PRKN: variants seen among roughly 807,000 people sequenced by gnomAD.
PRKN encodes the protein parkin RBR E3 ubiquitin protein ligase.
In PRKN, 56 loss-of-function variants were observed where a neutral mutation model predicts 59.5. The observed-to-expected ratio is 0.94, with a 90% confidence interval of 0.76 to 1.18. The LOEUF (loss-of-function observed/expected upper bound fraction) is 1.18. PRKN is among the 50% of genes most tolerant of loss of function. PRKN has a pLI of 0.00. For synonymous variants in PRKN, 250 were observed against 222.1 expected (o/e 1.13, Z -1.12); for missense variants, 657 against 596.4 (o/e 1.10, Z -1.06).
At chr6:162,096,758 A>G (rs79276671) in intron 4 of PRKN, among the ~76,000 whole-genome samples, 16,950 of 141,290 alleles carry the variant, frequency 0.12, 1,201 homozygotes, top group African/African-American at 0.21. Context: ...ATGCAGAACT[A>G]TGAGTCCATT....
chr6:161,882,033 T>C (rs970435770), intron 6 of PRKN, among the ~76,000 whole-genome samples: 1 of 152,138 alleles, frequency 6.6e-6, no homozygotes, highest in Non-Finnish European at 1.5e-5. Flanking sequence ...CCCGGATAGC[T>C]AGCAGATTAT....
intron 2 of PRKN, among the ~76,000 whole-genome samples, chr6:162,401,268 CAAAT>C (rs1787780041): frequency 6.6e-6 from 1 of 150,854 alleles, no homozygotes; most frequent in Non-Finnish European, 1.5e-5. Flanking sequence ...GCAGAAACAT[CAAAT>C]AAACTAAAAA....
At chr6:161,878,603 T>C (rs1794820440) in intron 6 of PRKN, among the ~76,000 whole-genome samples, 1 of 152,180 alleles carries the variant, frequency 6.6e-6, no homozygotes, top group African/African-American at 2.4e-5. Flanking sequence ...GCAAGGCCAT[T>C]GTTGAAAAAT....
intron 1 of PRKN, among the ~76,000 whole-genome samples, chr6:162,684,255 T>C (rs1779883238): frequency 6.6e-6 from 1 of 152,208 alleles, no homozygotes; most frequent in Non-Finnish European, 1.5e-5. Flanking sequence ...CTGATTTTTT[T>C]TTTCCAGTGT....
chr6:162,236,001 G>GAA (rs745706572), intron 3 of PRKN, among the ~76,000 whole-genome samples: 6,451 of 121,164 alleles, frequency 0.053, 244 homozygotes, highest in African/African-American at 0.067. Flanking sequence ...AAGAAAGAAA[G>GAA]AAAGAAAGAA....
At chr6:161,901,611 G>A (rs973813715) in intron 6 of PRKN, among the ~76,000 whole-genome samples, 6 of 152,108 alleles carry the variant, frequency 3.9e-5, no homozygotes, top group Non-Finnish European at 7.4e-5. Flanking sequence ...CAGAAACAAC[G>A]GCATTCAGAC....
intron 2 of PRKN, among the ~76,000 whole-genome samples, chr6:162,356,768 AAAG>A (rs1271758205): frequency 1.3e-5 from 2 of 149,394 alleles, no homozygotes; most frequent in African/African-American, 4.9e-5. Context: ...AAAAAAAAAA[AAAG>A]ATAAGATAGA....
chr6:161,678,686 T>C (rs1290965646), intron 7 of PRKN, among the ~76,000 whole-genome samples: 1 of 147,680 alleles, frequency 6.8e-6, no homozygotes, highest in Non-Finnish European at 1.5e-5. Context: ...TGCCTCAACC[T>C]CCCGAGTAGC....
In PRKN at chr6:161,548,063, T is replaced by C. The variant is rs1349301398; in HGVS notation, c.1083+791A>G. ...TTCTTGCACAAAACTCCTCATGAAG[T>C]TGCAATTTTAAAAGAAATGTTTCTC... On this transcript the variant is annotated intron_variant, in intron 9 of 11. Transcript: ENST00000366898. The surrounding 1 kb of genome is among the most constrained non-coding windows in gnomAD (Gnocchi z 4.2). 1.3e-5 allele frequency among the ~76,000 whole-genome samples: 2 copies of C among 152,248 alleles called. No individual in the cohort carries two copies. The highest frequency in any genetic ancestry group is 2.9e-5 in the Non-Finnish European group (2 of 68,046).
rs1227317297 is a variant in PRKN, at chr6:161,680,758, TATATATATATATA to T, written c.871+105001_871+105013del. Among the ~76,000 whole-genome samples, 64 of 18,514 alleles carry T rather than the reference TATATATATATATA, an allele frequency of 3.5e-3. 3 individuals carry two copies. The highest frequency in any genetic ancestry group is 7.9e-3 in the African/African-American group (51 of 6,452). The allele number at this position is 18,514 out of a possible 152,430, so 12.1% of individuals were successfully genotyped here. A position where few individuals can be genotyped will look rare whatever the true frequency, so the allele number is the denominator to read the frequency against. The stretch of plus-strand genomic sequence containing the variant: ...ATATATATATATATATATATATATA[TATATATATATATA>T]TATATTTTTTTTTTTTTTTCTTTTC... On this transcript the variant is annotated intron_variant, in intron 7 of 11. Coordinates refer to ENST00000366898, the MANE Select transcript of PRKN (RefSeq NM_004562.3).
At chr6:161,884,092 A>T (rs1020398633) in intron 6 of PRKN, among the ~76,000 whole-genome samples, 1 of 152,200 alleles carries the variant, frequency 6.6e-6, no homozygotes, top group East Asian at 1.9e-4. Flanking sequence ...GAAACTAACT[A>T]ACTTACTTGG....
chr6:162,403,264 C>T (rs966519051), intron 2 of PRKN, among the ~76,000 whole-genome samples: 34 of 152,040 alleles, frequency 2.2e-4, no homozygotes, highest in African/African-American at 7.5e-4. Flanking sequence ...CTCCTGCCAG[C>T]GAATGCTTGC....
chr6:161,428,917 C>G lies in PRKN; in HGVS notation c.1084-42040G>C, dbSNP rs1311426569. Reference sequence around the variant, plus strand: ...CTATGGCTAGGGGTCCCTGGTTTCTCCCACCTTCTTCCTGATGGCCAGGCA... The same window carrying G: ...CTATGGCTAGGGGTCCCTGGTTTCTGCCACCTTCTTCCTGATGGCCAGGCA... On this transcript the variant is annotated intron_variant, in intron 9 of 11. Transcript: ENST00000366898. This position sits in a 1 kb window ranked among gnomAD's most constrained non-coding sequence, Gnocchi z 4.0. Among the ~76,000 whole-genome samples, 1 of 152,176 alleles carries G rather than the reference C, an allele frequency of 6.6e-6. No individual in the cohort carries two copies. The highest frequency in any genetic ancestry group is 6.5e-5 in the Admixed American group (1 of 15,282).
intron 6 of PRKN, among the ~76,000 whole-genome samples, chr6:161,909,963 A>G (rs1187207608): frequency 1.3e-5 from 2 of 152,154 alleles, no homozygotes; most frequent in Non-Finnish European, 2.9e-5. Flanking sequence ...AAGGAAAACA[A>G]CATTCATGAT....
intron 6 of PRKN, among the ~76,000 whole-genome samples, chr6:161,857,589 T>C (rs112783301): frequency 1.3e-5 from 2 of 152,236 alleles, no homozygotes; most frequent in Admixed American, 1.3e-4. Context: ...GGTGTGCCCA[T>C]ATGTCTGTAT....
chr6:162,415,848 G>A, intron 2 of PRKN, among the ~76,000 whole-genome samples: 1 of 152,014 alleles, frequency 6.6e-6, no homozygotes, highest in East Asian at 1.9e-4. Flanking sequence ...TTTAAATAAA[G>A]AAATGTATTT....
intron 9 of PRKN, among the ~76,000 whole-genome samples, chr6:161,426,643 T>TTA (rs1788371451): frequency 4.3e-5 from 1 of 23,258 alleles, no homozygotes; most frequent in Admixed American, 5.1e-4. Flanking sequence ...AAACTCCCCT[T>TTA]TACACACACA....
chr6:161,686,611 C>G (rs960249882), intron 7 of PRKN, among the ~76,000 whole-genome samples: 1 of 152,180 alleles, frequency 6.6e-6, no homozygotes, highest in African/African-American at 2.4e-5. Context: ...AATTAAACAT[C>G]CCCAGAGTCT....
chr6:161,543,397 C>T (rs1779685705), intron 9 of PRKN, among the ~76,000 whole-genome samples: 1 of 152,106 alleles, frequency 6.6e-6, no homozygotes, highest in African/African-American at 2.4e-5. Context: ...TTTTCGAAAC[C>T]CTTTTTAAGA....
Sources: gnomAD v4.1 joint callset for allele counts (sites outside exome capture counted in the v4.1 genomes callset) on GRCh38, gnomAD v4.1.1 for gene constraint, Gnocchi (gnomAD v3.1) non-coding constraint, MANE v1.5 for transcripts, NCBI Gene and HGNC (gene_info 2026-07-23, HGNC 2026-07-21) for gene names.